STPG2: variants seen among roughly 807,000 people sequenced by gnomAD.
STPG2 encodes the protein sperm tail PG-rich repeat containing 2.
A neutral mutation model predicts 54.2 loss-of-function variants in STPG2; 56 were observed. The ratio of observed to expected loss-of-function variants is 1.03; its 90% CI spans 0.83 to 1.29. STPG2 has a LOEUF of 1.29. STPG2 is among the 50% of genes most tolerant of loss of function. STPG2 has a pLI of 0.00. For missense variants in STPG2, 596 were observed against 544.9 expected, an observed-to-expected ratio of 1.09 and a Z score of -0.93; for synonymous variants, 200 against 181.8, an observed-to-expected ratio of 1.10 and a Z score of -0.81.
At chr4:98,050,404 C>G (rs531984703) in intron 5 of STPG2, among the ~76,000 whole-genome samples, 2 of 152,208 alleles carry the variant, frequency 1.3e-5, no homozygotes, top group South Asian at 2.1e-4. Context: ...AGTCTCTCCA[C>G]TTTTGTGTTT....
rs116621558 is a variant in STPG2, at chr4:98,093,484, G to C, written c.612+12469C>G. ...AAATCCAAAGATACTATAGGAGGGG[G>C]ATAAAGATGATGGAATAGAAGCCTA... On this transcript the variant is annotated intron_variant, in intron 5 of 10. Coordinates refer to ENST00000295268, the MANE Select transcript of STPG2 (RefSeq NM_174952.3). Among the ~76,000 whole-genome samples, 637 of 152,134 alleles carry C rather than the reference G, an allele frequency of 4.2e-3. 2 individuals carry two copies. Among genetic ancestry groups the C allele is most frequent in the Middle Eastern group, 0.014 (4 of 294 alleles).
chr4:97,982,377 TACACACAC>T (rs59489663), intron 5 of STPG2, among the ~76,000 whole-genome samples: 10 of 143,534 alleles, frequency 7.0e-5, no homozygotes, highest in African/African-American at 2.1e-4. Context: ...TCTCTTACTC[TACACACAC>T]ACACACACAC....
chr4:97,671,171 A>C (rs1722684089), intron 10 of STPG2, among the ~76,000 whole-genome samples: 1 of 152,180 alleles, frequency 6.6e-6, no homozygotes, highest in South Asian at 2.1e-4. Context: ...AAATGGACTC[A>C]ATTGAGATTT....
chr4:97,564,885 C>G (rs1445383737), intron 10 of STPG2, among the ~76,000 whole-genome samples: 1 of 152,138 alleles, frequency 6.6e-6, no homozygotes, highest in Admixed American at 6.5e-5. Context: ...TTCATTTGAA[C>G]TTTGGTGAAT....
At chr4:97,632,878 T>C (rs1721337857) in intron 10 of STPG2, among the ~76,000 whole-genome samples, 1 of 152,184 alleles carries the variant, frequency 6.6e-6, no homozygotes, top group African/African-American at 2.4e-5. Context: ...TCAGACATTA[T>C]CAATTATTCA....
chr4:97,703,460 CTA>C (rs1307917732), intron 10 of STPG2, among the ~76,000 whole-genome samples: 4 of 139,402 alleles, frequency 2.9e-5, no homozygotes, highest in Non-Finnish European at 3.0e-5. Flanking sequence ...TATACACACA[CTA>C]TATATATAGT....
At chr4:97,441,395 A>AT (rs1729076123) in intron 4 of STPG2, 1 of 151,964 alleles carries the variant, frequency 6.6e-6, no homozygotes, top group Non-Finnish European at 1.5e-5. Flanking sequence ...ATAAGAACGT[A>AT]TTTTTTATCT....
At chr4:97,909,378 T>C (rs371692385) in intron 8 of STPG2, among the ~76,000 whole-genome samples, 1 of 152,124 alleles carries the variant, frequency 6.6e-6, no homozygotes, top group Non-Finnish European at 1.5e-5. Flanking sequence ...TACCCTCAAA[T>C]GGTTACACCA....
At chr4:97,860,145 T>G (rs1006186844) in intron 8 of STPG2, among the ~76,000 whole-genome samples, 1 of 152,206 alleles carries the variant, frequency 6.6e-6, no homozygotes, top group Non-Finnish European at 1.5e-5. Flanking sequence ...TAGTATAATT[T>G]AAAGTTCGGT....
At chr4:97,809,766 C>T (rs982158185) in intron 9 of STPG2, among the ~76,000 whole-genome samples, 3 of 152,090 alleles carry the variant, frequency 2.0e-5, no homozygotes, top group Non-Finnish European at 2.9e-5. Flanking sequence ...GTTTGATCAA[C>T]ATCTTGATTT....
intron 5 of STPG2, among the ~76,000 whole-genome samples, chr4:98,035,365 G>C (rs149193438): frequency 2.0e-3 from 301 of 152,236 alleles, no homozygotes; most frequent in African/African-American, 7.1e-3. Flanking sequence ...ATTATCACTG[G>C]TCATTACAGA....
chr4:97,462,837 CT>C (rs1729696822), intron 4 of STPG2, among the ~76,000 whole-genome samples: 1 of 151,958 alleles, frequency 6.6e-6, no homozygotes, highest in Non-Finnish European at 1.5e-5. Flanking sequence ...AATTTTATTT[CT>C]TCCTTATTGT....
At chr4:98,038,321 T>A (rs1736836211) in intron 5 of STPG2, among the ~76,000 whole-genome samples, 1 of 152,136 alleles carries the variant, frequency 6.6e-6, no homozygotes, top group Admixed American at 6.6e-5. Context: ...ACAAGATTTG[T>A]TAAACTGTAA....
At chr4:98,041,604 T>G (rs1736961132) in intron 5 of STPG2, among the ~76,000 whole-genome samples, 1 of 151,952 alleles carries the variant, frequency 6.6e-6, no homozygotes, top group African/African-American at 2.4e-5. Flanking sequence ...TAGTTTTTTG[T>G]TTTTAATTTT....
Position 98,083,039 on chromosome 4 carries a change from T to C in STPG2, c.612+22914A>G, listed in dbSNP as rs545168195. On this transcript the variant is annotated intron_variant, in intron 5 of 10. Transcript: ENST00000295268. ...ATAAAACCCTTTATTGTCCTAAGAA[T>C]AAGATCAAAATTTCTTATCAAGACC... Among the ~76,000 whole-genome samples the C allele has an allele frequency of 1.2e-4, 18 of 152,252 alleles. No homozygotes were observed. The South Asian group carries it at 3.3e-3, about 28-fold the overall frequency.
intron 5 of STPG2, among the ~76,000 whole-genome samples, chr4:98,043,797 T>C (rs116486442): frequency 4.6e-5 from 7 of 152,212 alleles, no homozygotes; most frequent in African/African-American, 1.7e-4. Flanking sequence ...GGTTTGGGAG[T>C]ACATGTGCAG....
At chr4:97,956,648 C>A (rs959952198) in intron 7 of STPG2, among the ~76,000 whole-genome samples, 2 of 152,152 alleles carry the variant, frequency 1.3e-5, no homozygotes, top group East Asian at 1.9e-4. Flanking sequence ...CAGAACTCTG[C>A]GCAGACAACC....
chr4:97,992,629 G>C (rs1176167149), intron 5 of STPG2, among the ~76,000 whole-genome samples: 1 of 152,076 alleles, frequency 6.6e-6, no homozygotes, highest in Non-Finnish European at 1.5e-5. Flanking sequence ...TCCTAGTTCT[G>C]TGAAGAATTA....
chr4:97,987,974 C>G (rs1299399027), intron 5 of STPG2, among the ~76,000 whole-genome samples: 1 of 151,736 alleles, frequency 6.6e-6, no homozygotes, highest in Non-Finnish European at 1.5e-5. Flanking sequence ...CAAACCCACC[C>G]AGTGGTTGCC....
Sources: allele counts gnomAD v4.1 joint callset (sites outside exome capture counted in the v4.1 genomes callset), GRCh38; gene constraint gnomAD v4.1.1; transcripts MANE v1.5; gene names NCBI Gene and HGNC (gene_info 2026-07-23, HGNC 2026-07-21).